Variants in PREPL observed in about 807,000 individuals in gnomAD.
PREPL encodes the protein prolyl endopeptidase-like.
A neutral mutation model predicts 70.6 loss-of-function variants in PREPL; 77 were observed. The ratio of observed to expected loss-of-function variants is 1.09; its 90% confidence interval spans 0.91 to 1.32. PREPL has a LOEUF of 1.32. Ranked by LOEUF, PREPL falls within the 40% of genes most tolerant of loss-of-function variation. The pLI, the probability that PREPL is intolerant of heterozygous loss-of-function variation, is 0.00. For synonymous variants in PREPL, 315 were observed against 264.8 expected (o/e 1.19, Z -1.84); for missense variants, 1,002 against 778.2 (o/e 1.29, Z -3.42).
In PREPL at chr2:44,339,317, T is replaced by C; in HGVS notation, c.532A>G (p.Ile178Val). 6.2e-7 allele frequency: 1 copy of C among 1,614,006 alleles called. No homozygotes were observed. The highest frequency in any genetic ancestry group is 8.5e-7 in the Non-Finnish European group (1 of 1,179,986). ...YLTKDSRFLT[I>V]NIMNKTTSEV... ...GAAGTAGTCTTGTTCATAATATTTATGGTGAGGAAACGACTGTCTTTTGTA... is the reference window on the plus strand; with the variant it reads ...GAAGTAGTCTTGTTCATAATATTTACGGTGAGGAAACGACTGTCTTTTGTA... The change falls in exon 6 of 14, where the codon ATA (isoleucine) becomes GTA (valine). Residue 178 changes from isoleucine to valine, a missense_variant. Ile to Val is a conservative substitution (Grantham distance 29). Coordinates refer to ENST00000409411, the MANE Select transcript of PREPL (RefSeq NM_001171613.2).
At chr2:44,353,690 G>A (rs1023729522) in intron 1 of PREPL, among the ~76,000 whole-genome samples, 1 of 152,126 alleles carries the variant, frequency 6.6e-6, no homozygotes, top group Non-Finnish European at 1.5e-5. Flanking sequence ...AGATGAAAGT[G>A]AGAGTCAAGA....
At chr2:44,352,113 C>T (rs1676506399) in intron 1 of PREPL, among the ~76,000 whole-genome samples, 1 of 152,236 alleles carries the variant, frequency 6.6e-6, no homozygotes, top group South Asian at 2.1e-4. Context: ...CAAATGTCAT[C>T]TTCTAAGTTA....
rs142728737 is a variant in PREPL, at chr2:44,358,383, C to T, written c.-49+2997G>A. On this transcript the variant is annotated intron_variant, in intron 1 of 13. Coordinates refer to ENST00000409411, the MANE Select transcript of PREPL (RefSeq NM_001171613.2). The stretch of plus-strand genomic sequence containing the variant: ...ACAGACTAAAAGAAAAATCAGTATG[C>T]GACAAAACCAGAAATTAAAATAAAA... Among the ~76,000 whole-genome samples the T allele has an allele frequency of 8.6e-5, 13 of 151,874 alleles. No homozygotes were observed. The East Asian group carries it at 9.7e-4, about 11-fold the overall frequency.
intron 1 of PREPL, among the ~76,000 whole-genome samples, chr2:44,351,981 C>T (rs569850990): frequency 1.3e-5 from 2 of 152,350 alleles, no homozygotes; most frequent in South Asian, 2.1e-4. Context: ...TACTGCTACA[C>T]GCCAAGCCCA....
rs199949010 is a variant in PREPL at position 44,320,560 on chromosome 2, C to T, written c.*796G>A. On this transcript the variant is annotated 3_prime_UTR_variant, in exon 14 of 14. Transcript: ENST00000409411. ...ACGAAGAATCTCCTTCATCGCCAAACAGCTTTCAGAGATAGATGCTTTGTT... is the reference window on the plus strand; with the variant it reads ...ACGAAGAATCTCCTTCATCGCCAAATAGCTTTCAGAGATAGATGCTTTGTT... 2 of 1,613,942 alleles carry T rather than the reference C, an allele frequency of 1.2e-6. No individual in the cohort carries two copies. The highest frequency in any genetic ancestry group is 1.3e-5 in the African/African-American group (1 of 74,918).
At chr2:44,336,467 T>C (rs191687753) in intron 7 of PREPL, among the ~76,000 whole-genome samples, 86 of 152,178 alleles carry the variant, frequency 5.7e-4, no homozygotes, top group African/African-American at 1.9e-3. Flanking sequence ...TTCTCACTTA[T>C]AAGTGGGAGC....
At chr2:44,348,968 A>G (rs890593482) in intron 1 of PREPL, among the ~76,000 whole-genome samples, 1 of 152,182 alleles carries the variant, frequency 6.6e-6, no homozygotes, top group African/African-American at 2.4e-5. Context: ...AGTTGTTTCA[A>G]AGGCATATAC....
At position 44,326,823 on chromosome 2, in the gene PREPL, T is replaced by G. The variant is rs760125213; in HGVS notation, c.1368A>C (p.Gln456His). ...TTGTTAGACTTGGCTGAGAAAAGCC[T>G]TGGCCATGAAGCGTCTTAATGCAAG... ...LEACIKTLHG[Q>H]GFSQPSLTTL... The change falls in exon 10 of 14, where the codon CAA becomes CAC. Residue 456 changes from glutamine (Q) to histidine (H), a missense_variant. Gln to His is a conservative substitution (Grantham distance 24). Coordinates refer to ENST00000409411, the MANE Select transcript of PREPL (RefSeq NM_001171613.2). 1.1e-5 allele frequency: 18 copies of G among 1,614,076 alleles called. No individual in the cohort carries two copies. The highest frequency in any genetic ancestry group is 1.4e-5 in the Non-Finnish European group (17 of 1,180,042).
chr2:44,320,770 T>C lies in PREPL; in HGVS notation c.*586A>G, dbSNP rs8886. On this transcript the variant is annotated 3_prime_UTR_variant, in exon 14 of 14. Coordinates refer to ENST00000409411, the MANE Select transcript of PREPL (RefSeq NM_001171613.2). Reference sequence around the variant, plus strand: ...GATATTTCTGTAGCTTGAATGTAACTGCTTTAAGAAAGGTTCTCAAATGTT... The same window carrying C: ...GATATTTCTGTAGCTTGAATGTAACCGCTTTAAGAAAGGTTCTCAAATGTT... 494,087 of 764,164 alleles carry C rather than the reference T, an allele frequency of 0.65. 163,112 individuals carry two copies. Among genetic ancestry groups the C allele is most frequent in the Middle Eastern group, 0.7 (2,545 of 3,622 alleles). 47.3% of individuals were successfully genotyped at this position (764,164 alleles called of 1,614,324 possible). A position where few individuals can be genotyped will look rare whatever the true frequency, so the allele number is the denominator to read the frequency against.
intron 1 of PREPL, among the ~76,000 whole-genome samples, chr2:44,358,248 G>A (rs1402714876): frequency 6.6e-6 from 1 of 152,106 alleles, no homozygotes; most frequent in Non-Finnish European, 1.5e-5. Flanking sequence ...TATGATACAT[G>A]CATACAACAC....
chr2:44,344,527 A>G lies in PREPL; in HGVS notation c.135T>C (p.Asp45=), dbSNP rs757260873. The change falls in exon 3 of 14, where the codon GAT becomes GAC. Residue 45 remains aspartate, a synonymous_variant. Coordinates refer to ENST00000409411, the MANE Select transcript of PREPL (RefSeq NM_001171613.2). ...AGAAAAATTGTGGTGTACCTTCTTC[A>G]TCTTTGGAACGAACCAAGCAACAAC... The part of the protein sequence containing the change: ...QEGCCLVRSK[D]EEADNDNYEV... The G allele has an allele frequency of 5.3e-5, 84 of 1,592,182 alleles. 1 individual carries two copies. Among genetic ancestry groups the G allele is most frequent in the East Asian group, 2.3e-5 (1 of 44,288 alleles).
chr2:44,336,244 T>C (rs752507201), intron 7 of PREPL, among the ~76,000 whole-genome samples: 5 of 152,164 alleles, frequency 3.3e-5, no homozygotes, highest in African/African-American at 9.7e-5. Flanking sequence ...TAAAGACACA[T>C]GCACACATTA....
chr2:44,358,317 T>C (rs922822817), intron 1 of PREPL, among the ~76,000 whole-genome samples: 1 of 152,180 alleles, frequency 6.6e-6, no homozygotes, highest in African/African-American at 2.4e-5. Flanking sequence ...TGGAAAACTT[T>C]GTTATACATA....
intron 1 of PREPL, among the ~76,000 whole-genome samples, chr2:44,358,347 A>T (rs1312773828): frequency 6.6e-6 from 1 of 152,240 alleles, no homozygotes; most frequent in Non-Finnish European, 1.5e-5. Flanking sequence ...CGAAGAAAGG[A>T]GGAAGCCAAA....
chr2:44,355,300 C>A (rs559779580), intron 1 of PREPL, among the ~76,000 whole-genome samples: 139 of 152,286 alleles, frequency 9.1e-4, no homozygotes, highest in African/African-American at 3.2e-3. Context: ...GTAATCCCAG[C>A]ACTTTGAGAG....
intron 1 of PREPL, among the ~76,000 whole-genome samples, chr2:44,355,422 G>A (rs2104197976): frequency 6.6e-6 from 1 of 152,298 alleles, no homozygotes; most frequent in South Asian, 2.1e-4. Context: ...GGTGGCACAT[G>A]CCTGTAATTC....
In PREPL at chr2:44,344,595, A is replaced by C. The variant is rs761983016; in HGVS notation, c.76-9T>G. ...AAACCACCATGTTTAACCTGACAAAAGAAACATGCAGTTTACTTAATAATA... is the reference window on the plus strand; with the variant it reads ...AAACCACCATGTTTAACCTGACAAACGAAACATGCAGTTTACTTAATAATA... On this transcript the variant is annotated splice_polypyrimidine_tract_variant and intron_variant, in intron 2 of 13. Transcript: ENST00000409411. The C allele has an allele frequency of 6.3e-7, 1 of 1,578,876 alleles. No homozygotes were observed.
chr2:44,332,980 G>C (rs544881212), intron 7 of PREPL, among the ~76,000 whole-genome samples: 1 of 152,242 alleles, frequency 6.6e-6, no homozygotes, highest in Non-Finnish European at 1.5e-5. Context: ...GGAAGAATAA[G>C]AGCAAATCAA....
chr2:44,320,783 G>C lies in PREPL; in HGVS notation c.*573C>G. 2 of 709,280 alleles carry C rather than the reference G, an allele frequency of 2.8e-6. No individual in the cohort carries two copies. Among genetic ancestry groups the C allele is most frequent in the Non-Finnish European group, 4.8e-6 (2 of 412,910 alleles). 43.9% of individuals were successfully genotyped at this position (709,280 alleles called of 1,614,324 possible). ...CTTGAATGTAACTGCTTTAAGAAAG[G>C]TTCTCAAATGTTTTGAAAAAAATAA... On this transcript the variant is annotated 3_prime_UTR_variant, in exon 14 of 14. Transcript: ENST00000409411.
Sources: allele counts gnomAD v4.1 joint callset (sites outside exome capture counted in the v4.1 genomes callset), GRCh38; gene constraint gnomAD v4.1.1; transcripts MANE v1.5; gene names NCBI Gene and HGNC (gene_info 2026-07-23, HGNC 2026-07-21).